Variants in OSBPL6 observed in about 807,000 individuals in gnomAD.
The protein encoded by OSBPL6 is oxysterol binding protein like 6.
In OSBPL6, 49 loss-of-function variants were observed where a neutral mutation model predicts 125.8. That is an observed-to-expected ratio of 0.39 (90% confidence interval 0.31 to 0.49). The LOEUF (loss-of-function observed/expected upper bound fraction) is 0.49, where lower values mean the gene tolerates loss of function less well. Ranked by LOEUF, OSBPL6 falls within the 20% of genes least tolerant of loss-of-function variation. OSBPL6 has a pLI of 0.88. For synonymous variants in OSBPL6, 394 were observed against 391.8 expected (o/e 1.01, Z -0.07); for missense variants, 986 against 1,135.4 (o/e 0.87, Z 1.89).
chr2:178,392,178 T>A (rs1301749359), intron 22 of OSBPL6, among the ~76,000 whole-genome samples: 1 of 152,218 alleles, frequency 6.6e-6, no homozygotes, highest in African/African-American at 2.4e-5. Flanking sequence ...ATATGTGCAG[T>A]TTTGTTTGAA....
chr2:178,364,581 C>T (rs1220595539), intron 13 of OSBPL6, among the ~76,000 whole-genome samples: 4 of 152,074 alleles, frequency 2.6e-5, no homozygotes, highest in African/African-American at 7.2e-5. Flanking sequence ...GACACAGAGT[C>T]GAGACAGTCC....
intron 12 of OSBPL6, among the ~76,000 whole-genome samples, chr2:178,357,572 A>C (rs1193448610): frequency 6.6e-6 from 1 of 152,212 alleles, no homozygotes; most frequent in South Asian, 2.1e-4. Context: ...ATCATTATAA[A>C]GTCAGGAAAC....
chr2:178,371,999 T>C, intron 13 of OSBPL6, 127 bp from the exon 14 acceptor site: 1 of 604,840 alleles, frequency 1.7e-6, no homozygotes, highest in Non-Finnish European at 2.8e-6. Flanking sequence ...GTCTGGCTCA[T>C]GATGGCTTCA....
chr2:178,315,840 G>A (rs1329035120), intron 3 of OSBPL6, among the ~76,000 whole-genome samples: 1 of 152,144 alleles, frequency 6.6e-6, no homozygotes, highest in Non-Finnish European at 1.5e-5. Flanking sequence ...AGCCACCCCA[G>A]GAGACTGTTA....
At chr2:178,366,421 C>T (rs943343764) in intron 13 of OSBPL6, among the ~76,000 whole-genome samples, 12 of 152,058 alleles carry the variant, frequency 7.9e-5, no homozygotes, top group South Asian at 4.1e-4. Flanking sequence ...ATGTGAATAA[C>T]GGAATATGAC....
intron 2 of OSBPL6, among the ~76,000 whole-genome samples, chr2:178,302,304 A>G (rs1686367011): frequency 6.6e-6 from 1 of 152,196 alleles, no homozygotes; most frequent in Non-Finnish European, 1.5e-5. Flanking sequence ...CTCATTGAGT[A>G]TAGTAATTAT....
chr2:178,336,534 C>A, intron 9 of OSBPL6, 101 bp downstream of exon 9: 3 of 1,351,042 alleles, frequency 2.2e-6, no homozygotes, highest in Non-Finnish European at 3.1e-6. Flanking sequence ...ACCCTGATTG[C>A]CTTGATCGTC....
intron 1 of OSBPL6, among the ~76,000 whole-genome samples, chr2:178,221,867 C>A (rs975259213): frequency 6.6e-6 from 1 of 152,210 alleles, no homozygotes; most frequent in Non-Finnish European, 1.5e-5. Context: ...GAGTTCAGAT[C>A]TGTACTGTGA....
intron 1 of OSBPL6, among the ~76,000 whole-genome samples, chr2:178,254,623 G>A (rs111545474): frequency 7.2e-5 from 11 of 152,216 alleles, no homozygotes; most frequent in African/African-American, 2.6e-4. Flanking sequence ...ACCCCTTCTG[G>A]GGGCACACAA....
intron 15 of OSBPL6, among the ~76,000 whole-genome samples, chr2:178,381,872 C>A (rs1694511692): frequency 6.6e-6 from 1 of 152,228 alleles, no homozygotes; most frequent in African/African-American, 2.4e-5. Context: ...TCTGTCACAG[C>A]CACTCTCAAC....
At position 178,277,851 on chromosome 2, in the gene OSBPL6, C is replaced by T. The variant is rs922522391; in HGVS notation, c.-350-7076C>T. The stretch of plus-strand genomic sequence containing the variant: ...AGGTTCTCTCTTGTCTTTTTCCTCC[C>T]GTTTGTTCTGCGGCTAGATCCCCCT... On this transcript the variant is annotated intron_variant, in intron 1 of 24. Coordinates refer to ENST00000190611, the MANE Select transcript of OSBPL6 (RefSeq NM_032523.4). Among the ~76,000 whole-genome samples, 20 of 152,142 alleles carry T rather than the reference C, an allele frequency of 1.3e-4. No homozygotes were observed. In the East Asian group the frequency reaches 1.7e-3, roughly 13 times the overall value.
intron 1 of OSBPL6, among the ~76,000 whole-genome samples, chr2:178,274,804 G>C (rs144021531): frequency 8.1e-4 from 124 of 152,272 alleles, no homozygotes; most frequent in African/African-American, 3.0e-3. Context: ...CCACTCAACA[G>C]TATGTTTCAG....
chr2:178,378,708 G>T (rs1273331540), intron 15 of OSBPL6, among the ~76,000 whole-genome samples: 1 of 152,210 alleles, frequency 6.6e-6, no homozygotes, highest in African/African-American at 2.4e-5. Context: ...TTGGCTCTTT[G>T]TGCAGGGTAG....
chr2:178,202,832 A>AAAAG (rs1366971586), intron 1 of OSBPL6, among the ~76,000 whole-genome samples: 2 of 151,684 alleles, frequency 1.3e-5, no homozygotes, highest in African/African-American at 4.8e-5. Context: ...AAAAAAAAAA[A>AAAAG]AAAGAAAGAA....
At chr2:178,194,911 AG>A (rs1309722090) in intron 1 of OSBPL6, among the ~76,000 whole-genome samples, 1 of 151,810 alleles carries the variant, frequency 6.6e-6, no homozygotes, top group Non-Finnish European at 1.5e-5. Context: ...CCGGGATGGG[AG>A]GGGGCGTCTG....
Position 178,387,146 on chromosome 2 carries a change from G to T in OSBPL6, c.2156+7G>T. ...TGAATGTCATGCTTCCAAAGTAGGT[G>T]ACTCACACCTCCCTTTTGGCCTCTT... is the stretch of plus-strand genomic sequence containing the variant. On this transcript the variant is annotated splice_region_variant and intron_variant, in intron 20 of 24. Transcript: ENST00000190611. 6.3e-7 allele frequency: 1 copy of T among 1,596,014 alleles called. No individual in the cohort carries two copies. Among genetic ancestry groups the T allele is most frequent in the South Asian group, 1.1e-5 (1 of 90,418 alleles).
chr2:178,362,990 G>A (rs1692493724), intron 13 of OSBPL6, among the ~76,000 whole-genome samples: 3 of 152,110 alleles, frequency 2.0e-5, no homozygotes, highest in Non-Finnish European at 4.4e-5. Context: ...GACGTTAATT[G>A]GTCTTCCAAA....
chr2:178,389,051 A>G lies in OSBPL6; in HGVS notation c.2199A>G (p.Ile733Met). 1.2e-6 allele frequency: 2 copies of G among 1,614,012 alleles called. No homozygotes were observed. Among genetic ancestry groups the G allele is most frequent in the Non-Finnish European group, 1.7e-6 (2 of 1,179,950 alleles). The stretch of plus-strand genomic sequence containing the variant: ...TGTGGAATAAAGTCACCACTTGCAT[A>G]CACAACATCCTCAGTGGGAGAAGAT... Reference protein sequence around the residue: ...YYVWNKVTTCIHNILSGRRWI... With the variant: ...YYVWNKVTTCMHNILSGRRWI... The change falls in exon 21 of 25, where the codon ATA becomes ATG. Residue 733 changes from isoleucine (I) to methionine (M), a missense_variant. Transcript: ENST00000190611.
At chr2:178,253,070 G>A (rs1481165876) in intron 1 of OSBPL6, among the ~76,000 whole-genome samples, 1 of 152,064 alleles carries the variant, frequency 6.6e-6, no homozygotes, top group Non-Finnish European at 1.5e-5. Flanking sequence ...TGCCCAGGCT[G>A]GAGTGCAATG....
Sources: gnomAD v4.1 joint callset for allele counts (sites outside exome capture counted in the v4.1 genomes callset) on GRCh38, gnomAD v4.1.1 for gene constraint, MANE v1.5 for transcripts, NCBI Gene and HGNC (gene_info 2026-07-23, HGNC 2026-07-21) for gene names.